Variants in RYR2 observed in about 807,000 individuals in gnomAD.
RYR2 encodes cardiac muscle ryanodine receptor-calcium release channel.
Under a neutral mutation model 601.1 loss-of-function variants are expected in RYR2, and 227 were observed. The observed-to-expected ratio is 0.38, with a 90% CI of 0.34 to 0.42. RYR2 has a LOEUF of 0.42. Ranked by LOEUF, RYR2 falls within the 10% of genes least tolerant of loss-of-function variation. RYR2 has a pLI of 1.00. For missense variants in RYR2, 4,646 were observed against 6,156.5 expected (o/e 0.75, Z 8.21); for synonymous variants, 2,223 against 2,175.1 (o/e 1.02, Z -0.61).
intron 1 of RYR2, among the ~76,000 whole-genome samples, chr1:237,176,487 C>T (rs1279719237): frequency 1.3e-5 from 2 of 151,516 alleles, no homozygotes; most frequent in African/African-American, 4.8e-5. Context: ...GATGATTTTA[C>T]TGGGTTCTGG....
At chr1:237,397,682 A>G (rs1287216287) in intron 10 of RYR2, among the ~76,000 whole-genome samples, 2 of 151,356 alleles carry the variant, frequency 1.3e-5, no homozygotes, top group African/African-American at 4.9e-5. Flanking sequence ...GGGACTTAAC[A>G]CTTGTATGGC....
intron 1 of RYR2, among the ~76,000 whole-genome samples, chr1:237,254,805 G>T (rs188640414): frequency 6.6e-6 from 1 of 152,256 alleles, no homozygotes; most frequent in East Asian, 1.9e-4. Flanking sequence ...ATGCTCTCTG[G>T]TGTAATTACC....
chr1:237,240,622 AAATATAAT>A (rs1478873454), intron 1 of RYR2, among the ~76,000 whole-genome samples: 1 of 147,986 alleles, frequency 6.8e-6, no homozygotes, highest in Non-Finnish European at 1.5e-5. Context: ...TTTTATATTT[AAATATAAT>A]AAGTCAAGTG....
chr1:237,200,253 T>A (rs1001177085), intron 1 of RYR2, among the ~76,000 whole-genome samples: 1 of 152,084 alleles, frequency 6.6e-6, no homozygotes, highest in Admixed American at 6.6e-5. Flanking sequence ...ATCCTTTAAC[T>A]GCCCCAACCA....
chr1:237,149,179 T>G (rs944757134), intron 1 of RYR2, among the ~76,000 whole-genome samples: 1 of 152,188 alleles, frequency 6.6e-6, no homozygotes, highest in African/African-American at 2.4e-5. Context: ...CTGCATAATT[T>G]GTTTGAAAGG....
At chr1:237,156,892 C>T (rs1223770050) in intron 1 of RYR2, among the ~76,000 whole-genome samples, 1 of 152,150 alleles carries the variant, frequency 6.6e-6, no homozygotes, top group Non-Finnish European at 1.5e-5. Flanking sequence ...ATAATAGATG[C>T]TGGCAAGGAG....
At chr1:237,370,699 T>C (rs1255568667) in intron 6 of RYR2, among the ~76,000 whole-genome samples, 1 of 151,208 alleles carries the variant, frequency 6.6e-6, no homozygotes. Context: ...CTGGTTCTGT[T>C]GCCCAGGCTG....
In RYR2 at chr1:237,617,229, T is replaced by C. The variant is rs74147120; in HGVS notation, c.5716-57T>C. 3,964 of 1,431,920 alleles carry C rather than the reference T, an allele frequency of 2.8e-3. 99 individuals are homozygous for C. The African/African-American group carries it at 0.05, about 18-fold the overall frequency. 88.7% of individuals were successfully genotyped at this position (1,431,920 alleles called of 1,614,324 possible). ...ATGTTTACCACAGATTATGATTTCA[T>C]ACACATTATTAAAGGATTTAGAAAT... On this transcript the variant is annotated intron_variant, in intron 37 of 104. Coordinates refer to ENST00000366574, the MANE Select transcript of RYR2 (RefSeq NM_001035.3).
intron 1 of RYR2, among the ~76,000 whole-genome samples, chr1:237,129,458 G>A (rs891318152): frequency 1.3e-5 from 2 of 152,096 alleles, no homozygotes; most frequent in Non-Finnish European, 2.9e-5. Context: ...CTGACATTCG[G>A]ATGCATTTTT....
chr1:237,414,924 G>A (rs16835219), intron 10 of RYR2, among the ~76,000 whole-genome samples: 44,466 of 151,958 alleles, frequency 0.29, 6,680 homozygotes, highest in African/African-American at 0.35. Context: ...CTTGAGAGCC[G>A]CTTACCTATG....
At chr1:237,349,647 G>A (rs1368687920) in intron 3 of RYR2, among the ~76,000 whole-genome samples, 1 of 152,166 alleles carries the variant, frequency 6.6e-6, no homozygotes, top group African/African-American at 2.4e-5. Context: ...CATGTTCAAA[G>A]ATCCTTTTTC....
chr1:237,209,497 A>ATGTGTGTGTGTGTGTGTGTGTGTGTGTG (rs55861841), intron 1 of RYR2, among the ~76,000 whole-genome samples: 14 of 143,304 alleles, frequency 9.8e-5, no homozygotes, highest in South Asian at 2.2e-4. Context: ...ATCTGCATAT[A>ATGTGTGTGTGTGTGTGTGTGTGTGTGTG]TGTGTGTGTG....
At chr1:237,208,818 A>T (rs888412703) in intron 1 of RYR2, among the ~76,000 whole-genome samples, 10 of 150,900 alleles carry the variant, frequency 6.6e-5, no homozygotes, top group East Asian at 1.9e-4. Flanking sequence ...TCCAGAACTT[A>T]TTTGTTTTAT....
At chr1:237,473,459 T>TTCTTTCTTTCTTTCTTTCTTTCTTTCTA (rs1450110678) in intron 17 of RYR2, among the ~76,000 whole-genome samples, 13 of 136,558 alleles carry the variant, frequency 9.5e-5, no homozygotes, top group African/African-American at 3.3e-4. Context: ...CTTTCTTTCT[T>TTCTTTCTTTCTTTCTTTCTTTCTTTCTA]TCTATCTATC....
intron 63 of RYR2, among the ~76,000 whole-genome samples, chr1:237,689,031 G>A (rs1002739200): frequency 4.1e-4 from 62 of 152,062 alleles, no homozygotes; most frequent in African/African-American, 1.4e-3. Flanking sequence ...GGGATGTCGT[G>A]GTGAGAGAAT....
At chr1:237,678,362 A>T (rs1685581539) in intron 61 of RYR2, among the ~76,000 whole-genome samples, 1 of 151,956 alleles carries the variant, frequency 6.6e-6, no homozygotes, top group Non-Finnish European at 1.5e-5. Flanking sequence ...TTAGGTCTGC[A>T]TTTTTTTTGT....
chr1:237,416,083 G>A (rs924210976), intron 10 of RYR2, among the ~76,000 whole-genome samples: 14 of 152,126 alleles, frequency 9.2e-5, no homozygotes, highest in African/African-American at 3.1e-4. Flanking sequence ...CAAGACAATA[G>A]GAGTTTCCAC....
chr1:237,492,913 G>A, intron 18 of RYR2, 41 bp from the exon 19 acceptor site: 3 of 1,537,268 alleles, frequency 2.0e-6, no homozygotes, highest in Non-Finnish European at 1.8e-6. Flanking sequence ...GGGAAAGCAG[G>A]GAGGGAGGGA....
At chr1:237,587,548 A>G (rs1674664634) in intron 29 of RYR2, among the ~76,000 whole-genome samples, 1 of 151,964 alleles carries the variant, frequency 6.6e-6, no homozygotes. Flanking sequence ...TCTTTCTTTC[A>G]ATAATAATTA....
Sources: allele counts gnomAD v4.1 joint callset (sites outside exome capture counted in the v4.1 genomes callset), GRCh38; gene constraint gnomAD v4.1.1; transcripts MANE v1.5; gene names NCBI Gene and HGNC (gene_info 2026-07-23, HGNC 2026-07-21).